The following IL2RB variants were observed in gnomAD, a reference collection of about 807,000 sequenced individuals.
The protein encoded by IL2RB is interleukin 2 receptor subunit beta.
A neutral mutation model predicts 44.2 loss-of-function variants in IL2RB; 17 were observed. The observed-to-expected ratio is 0.38, with a 90% CI of 0.26 to 0.58. IL2RB has a LOEUF of 0.58. Ranked by LOEUF, IL2RB falls within the 20% of genes least tolerant of loss-of-function variation. IL2RB has a pLI of 0.63. For missense variants in IL2RB, 624 were observed against 685.5 expected, an observed-to-expected ratio of 0.91 and a Z score of 1.00; for synonymous variants, 286 against 297.9, an observed-to-expected ratio of 0.96 and a Z score of 0.41.
intron 8 of IL2RB, among the ~76,000 whole-genome samples, chr22:37,134,003 G>T (rs1921562799): frequency 6.6e-6 from 1 of 151,922 alleles, no homozygotes. Context: ...CCTTCCTCAG[G>T]GAAACCAGCC....
intron 1 of IL2RB, among the ~76,000 whole-genome samples, chr22:37,174,404 G>A (rs1923386420): frequency 1.3e-5 from 2 of 152,190 alleles, no homozygotes; most frequent in East Asian, 3.9e-4. Context: ...AACCAGTTGA[G>A]ACCCTTCAGC....
chr22:37,134,081 C>T (rs188635462), intron 8 of IL2RB, among the ~76,000 whole-genome samples: 9 of 152,002 alleles, frequency 5.9e-5, no homozygotes, highest in Non-Finnish European at 1.2e-4. Flanking sequence ...ACTCAGGATC[C>T]GTGGGTTCTG....
intron 1 of IL2RB, among the ~76,000 whole-genome samples, chr22:37,157,065 C>A (rs1922704361): frequency 6.7e-6 from 1 of 148,950 alleles, no homozygotes; most frequent in Non-Finnish European, 1.5e-5. Flanking sequence ...CTATGGTATA[C>A]ATAATTTGGT....
chr22:37,165,268 C>G (rs1923028357), intron 1 of IL2RB, among the ~76,000 whole-genome samples: 1 of 152,378 alleles, frequency 6.6e-6, no homozygotes, highest in East Asian at 1.9e-4. Context: ...AGAAGAGAGC[C>G]ATGAGAATTT....
Position 37,141,996 on chromosome 22 carries a change from T to C in IL2RB, c.282+438A>G, listed in dbSNP as rs1921990860. On this transcript the variant is annotated intron_variant, in intron 4 of 9. Transcript: ENST00000216223. This position sits in a 1 kb window ranked among gnomAD's most constrained non-coding sequence, Gnocchi z 4.4. The stretch of plus-strand genomic sequence containing the variant: ...AGACTGGGGCACAGGGGTTGCCCAA[T>C]GTCACCCAGCTGGTGAGCCAGGGCT... Among the ~76,000 whole-genome samples, 1 of 152,114 alleles carries C rather than the reference T, an allele frequency of 6.6e-6. No homozygotes were observed. Among genetic ancestry groups the C allele is most frequent in the South Asian group, 2.1e-4 (1 of 4,836 alleles).
chr22:37,163,327 A>C (rs1381341647), intron 1 of IL2RB, among the ~76,000 whole-genome samples: 1 of 152,176 alleles, frequency 6.6e-6, no homozygotes, highest in Non-Finnish European at 1.5e-5. Flanking sequence ...AAAGAGTCTC[A>C]TTGGCTAAGA....
At chr22:37,166,244 G>A (rs1428177523) in intron 1 of IL2RB, among the ~76,000 whole-genome samples, 6 of 152,322 alleles carry the variant, frequency 3.9e-5, no homozygotes, top group Middle Eastern at 6.8e-3. Flanking sequence ...ATGGAAAGGG[G>A]GCACTCAGCG....
chr22:37,148,561 C>G (rs1922339405), intron 1 of IL2RB, among the ~76,000 whole-genome samples: 1 of 152,124 alleles, frequency 6.6e-6, no homozygotes, highest in African/African-American at 2.4e-5. Context: ...AACTGAAGCC[C>G]GGAGCGGCTG....
At chr22:37,164,311 A>G (rs899419045) in intron 1 of IL2RB, among the ~76,000 whole-genome samples, 16 of 152,040 alleles carry the variant, frequency 1.1e-4, no homozygotes, top group African/African-American at 3.6e-4. Context: ...AAGGGGTCAG[A>G]GGAGGGGAGC....
Position 37,143,544 on chromosome 22 carries a change from T to C in IL2RB, c.180A>G (p.Gln60=). 3 of 1,613,344 alleles carry C rather than the reference T, an allele frequency of 1.9e-6. No homozygotes were observed. The highest frequency in any genetic ancestry group is 2.5e-6 in the Non-Finnish European group (3 of 1,179,348). The change falls in exon 3 of 10, where the codon CAA becomes CAG. Residue 60 remains glutamine, a synonymous_variant. Transcript: ENST00000216223. ...ACCGTCTGTCCGGCCAGGCATGGAC[T>C]TGGCAGGAAGTGTCCTGCAGAGCCC... The part of the protein sequence containing the change: ...QDGALQDTSC[Q]VHAWPDRRRW...
At chr22:37,136,475 C>T (rs1160641220) in intron 6 of IL2RB, 82 bp from the exon 7 acceptor site, 1 of 1,415,782 alleles carries the variant, frequency 7.1e-7, no homozygotes, top group Non-Finnish European at 9.5e-7. Flanking sequence ...AACCCCCCCC[C>T]AACCCCTGCC....
In IL2RB at chr22:37,141,019, G is replaced by A. The variant is rs968667186; in HGVS notation, c.282+1415C>T. Reference sequence around the variant, plus strand: ...CGCTGCTAAAACTCTGGCTGCAGCCGGGAGGCGTAGCTGGGGTCTCCTGCT... The same window carrying A: ...CGCTGCTAAAACTCTGGCTGCAGCCAGGAGGCGTAGCTGGGGTCTCCTGCT... On this transcript the variant is annotated intron_variant, in intron 4 of 9. Transcript: ENST00000216223. The surrounding 1 kb of genome is among the most constrained non-coding windows in gnomAD (Gnocchi z 4.4). Among the ~76,000 whole-genome samples the A allele has an allele frequency of 2.6e-5, 4 of 152,182 alleles. No homozygotes were observed. Among genetic ancestry groups the A allele is most frequent in the South Asian group, 2.1e-4 (1 of 4,828 alleles).
At chr22:37,159,663 A>G (rs1005160160) in intron 1 of IL2RB, among the ~76,000 whole-genome samples, 2 of 152,212 alleles carry the variant, frequency 1.3e-5, no homozygotes, top group African/African-American at 4.8e-5. Context: ...AGGCAGGTGC[A>G]TTTTGGCAGA....
In IL2RB at chr22:37,142,435, T is replaced by A; in HGVS notation, c.281A>T (p.Asp94Val). The A allele has an allele frequency of 6.2e-7, 1 of 1,614,014 alleles. No individual in the cohort carries two copies. The highest frequency in any genetic ancestry group is 1.7e-4 in the Middle Eastern group (1 of 6,060). The change falls in exon 4 of 10, where the codon GAT (aspartate) becomes GTT (valine). Residue 94 changes from aspartate to valine, a missense_variant and splice_region_variant. By Grantham distance (152) the Asp-to-Val change is radical (BLOSUM62 -3). Around this residue, in one of 3 missense-constraint regions of IL2RB, gnomAD observed 255 missense variants for 339.9 expected, o/e 0.75. Transcript: ENST00000216223. ...TCTCTCCCTGGGTGGGCTACTCACA[T>A]CTGGGGCTCCGAGGATCAGGTTGCA... is the stretch of plus-strand genomic sequence containing the variant. ...WACNLILGAPDSQKLTTVDIV... is the reference protein window; with the variant it reads ...WACNLILGAPVSQKLTTVDIV...
intron 4 of IL2RB, among the ~76,000 whole-genome samples, chr22:37,140,131 C>T (rs930686403): frequency 1.5e-4 from 23 of 152,086 alleles, no homozygotes; most frequent in Non-Finnish European, 3.2e-4. Flanking sequence ...CCTTGGGCAC[C>T]GTCCCTCTGG....
intron 1 of IL2RB, among the ~76,000 whole-genome samples, chr22:37,173,241 T>C (rs931636284): frequency 6.6e-6 from 1 of 152,140 alleles, no homozygotes; most frequent in Non-Finnish European, 1.5e-5. Flanking sequence ...CTCCCAAATT[T>C]GCTTCTCCCT....
intron 1 of IL2RB, among the ~76,000 whole-genome samples, chr22:37,158,325 G>A (rs1447420908): frequency 5.9e-5 from 9 of 151,996 alleles, no homozygotes; most frequent in South Asian, 2.1e-4. Context: ...TGAGGCGGGC[G>A]GATCACGAGG....
At chr22:37,152,033 G>A (rs1922509334), upstream of IL2RB, among the ~76,000 whole-genome samples, 1 of 152,122 alleles carries the variant, frequency 6.6e-6, no homozygotes, top group Non-Finnish European at 1.5e-5. Context: ...TTTTGCTTAG[G>A]ATGGCTTTGG....
chr22:37,170,083 AGGAAGAATGGATGGATGGAT>A (rs1923226840), intron 1 of IL2RB, among the ~76,000 whole-genome samples: 11 of 123,950 alleles, frequency 8.9e-5, no homozygotes, highest in African/African-American at 3.0e-4. Flanking sequence ...GGGAGAAGGA[AGGAAGAATGGATGGATGGAT>A]GGATGGATGG....
Sources: allele counts gnomAD v4.1 joint callset (sites outside exome capture counted in the v4.1 genomes callset), GRCh38; gene constraint gnomAD v4.1.1; regional missense constraint gnomAD v4.1.1; non-coding constraint Gnocchi (gnomAD v3.1); transcripts MANE v1.5; gene names NCBI Gene and HGNC (gene_info 2026-07-23, HGNC 2026-07-21).